Variants in DRC9 observed in about 807,000 individuals in gnomAD.
DRC9 encodes the protein dynein regulatory complex protein 9.
the DRC9 span, among the ~76,000 whole-genome samples, chr3:197,952,165 T>TG: frequency 1.2e-3 from 121 of 102,732 alleles, 2 homozygotes; most frequent in Middle Eastern, 8.9e-3. Flanking sequence ...ATTATGGGTT[T>TG]TTTTTTTTTT....
the DRC9 span, among the ~76,000 whole-genome samples, chr3:197,931,877 A>G: frequency 1.6e-4 from 25 of 152,130 alleles, no homozygotes; most frequent in Admixed American, 7.2e-4. Flanking sequence ...CGCCCGCCTC[A>G]GCCTCCCAAA....
chr3:197,896,917 A>G, the DRC9 span, among the ~76,000 whole-genome samples: 763 of 152,358 alleles, frequency 5.0e-3, 9 homozygotes, highest in African/African-American at 0.018. Context: ...TGAACTACTT[A>G]GAGAACTACA....
At chr3:197,942,522 G>A in the DRC9 span, among the ~76,000 whole-genome samples, 1 of 150,292 alleles carries the variant, frequency 6.7e-6, no homozygotes, top group East Asian at 2.0e-4. Context: ...GGACTTTACT[G>A]TTAGAAATGA....
the DRC9 span, among the ~76,000 whole-genome samples, chr3:197,952,962 G>A: frequency 1.3e-4 from 20 of 151,406 alleles, no homozygotes; most frequent in East Asian, 3.9e-4. Flanking sequence ...CACCACACCC[G>A]GCTAACTTTT....
At chr3:197,894,437 A>G in the DRC9 span, 1 of 152,242 alleles carries the variant, frequency 6.6e-6, no homozygotes, top group Non-Finnish European at 1.5e-5. Context: ...AAAAGAAGGT[A>G]TAAACATTGA....
the DRC9 span, among the ~76,000 whole-genome samples, chr3:197,918,752 TA>T: frequency 6.6e-6 from 1 of 152,200 alleles, no homozygotes; most frequent in African/African-American, 2.4e-5. Flanking sequence ...AATGCAGAGT[TA>T]AAAGTCTTTA....
At chr3:197,921,776 G>A in the DRC9 span, among the ~76,000 whole-genome samples, 77 of 148,348 alleles carry the variant, frequency 5.2e-4, no homozygotes, top group Non-Finnish European at 1.0e-3. Flanking sequence ...GATTTAACCT[G>A]GTTTCATCTT....
chr3:197,897,540 C>T, the DRC9 span, among the ~76,000 whole-genome samples: 13 of 152,184 alleles, frequency 8.5e-5, no homozygotes, highest in Admixed American at 8.5e-4. Context: ...AAGATATTAA[C>T]AGATCCACAA....
the DRC9 span, among the ~76,000 whole-genome samples, chr3:197,946,817 CT>C: frequency 6.6e-6 from 1 of 152,098 alleles, no homozygotes. Context: ...GAATACCTTT[CT>C]TTTTTTCTTT....
the DRC9 span, among the ~76,000 whole-genome samples, chr3:197,890,404 C>CAAAAA: frequency 8.1e-6 from 1 of 123,990 alleles, no homozygotes. Context: ...GATGCTGTCT[C>CAAAAA]AAAAAAAAAA....
the DRC9 span, chr3:197,950,127 C>G: frequency 1.1e-5 from 13 of 1,231,724 alleles, no homozygotes; most frequent in African/African-American, 1.7e-4. Context: ...GGAGAAGATG[C>G]CTAAATTGAG....
the DRC9 span, among the ~76,000 whole-genome samples, chr3:197,912,294 C>A: frequency 6.6e-6 from 1 of 152,174 alleles, no homozygotes; most frequent in Non-Finnish European, 1.5e-5. Flanking sequence ...CCCTCCCCGG[C>A]CTCCCAAAGT....
At chr3:197,957,453 T>C in the DRC9 span, 1 of 147,056 alleles carries the variant, frequency 6.8e-6, no homozygotes, top group Admixed American at 6.8e-5. Context: ...ATTAGGATTG[T>C]GGTGGTTTTT....
At chr3:197,950,108 C>T in the DRC9 span, 1 of 1,231,142 alleles carries the variant, frequency 8.1e-7, no homozygotes, top group Non-Finnish European at 1.0e-6. Flanking sequence ...GATTGTTTTT[C>T]TGGCGTTTGG....
chr3:197,940,276 G>A, the DRC9 span, among the ~76,000 whole-genome samples: 91 of 150,724 alleles, frequency 6.0e-4, no homozygotes, highest in Admixed American at 1.7e-3. Context: ...GATGACAGGC[G>A]TGAGCCACCG....
At chr3:197,946,903 A>G in the DRC9 span, among the ~76,000 whole-genome samples, 1 of 152,064 alleles carries the variant, frequency 6.6e-6, no homozygotes, top group African/African-American at 2.4e-5. Context: ...GCTCACTGCA[A>G]CCTCTGCCTC....
the DRC9 span, chr3:197,943,741 A>G: frequency 6.4e-7 from 1 of 1,574,740 alleles, no homozygotes; most frequent in South Asian, 1.1e-5. Context: ...GAAATAAAAA[A>G]TAAAGCAAAA....
chr3:197,957,458 GTT>G, the DRC9 span: 28,330 of 129,478 alleles, frequency 0.22, 3,524 homozygotes, highest in African/African-American at 0.45. Context: ...GATTGTGGTG[GTT>G]TTTTTTTTTT....
At chr3:197,930,242 G>A in the DRC9 span, among the ~76,000 whole-genome samples, 2 of 151,974 alleles carry the variant, frequency 1.3e-5, no homozygotes, top group African/African-American at 4.8e-5. Context: ...AGCGACTTGA[G>A]GGGGCTGAGG....
Sources: gnomAD v4.1 joint callset for allele counts (sites outside exome capture counted in the v4.1 genomes callset) on GRCh38, gnomAD v4.1.1 for gene constraint, MANE v1.5 for transcripts, NCBI Gene and HGNC (gene_info 2026-07-23, HGNC 2026-07-21) for gene names.